Variants in ARHGEF37 observed in about 807,000 individuals in gnomAD.
ARHGEF37 encodes Rho guanine nucleotide exchange factor 37, also known as Rho guanine nucleotide exchange factor (GEF) 37.
A neutral mutation model predicts 71.1 loss-of-function variants in ARHGEF37; 55 were observed. The observed-to-expected ratio is 0.77, with a 90% CI of 0.62 to 0.97. The LOEUF (loss-of-function observed/expected upper bound fraction) is 0.97, where lower values mean the gene tolerates loss of function less well. Among genes scored for constraint, ARHGEF37 ranks in the 50% least tolerant of loss-of-function variants. The pLI is 0.00. For synonymous variants in ARHGEF37, 327 were observed against 350.6 expected, an observed-to-expected ratio of 0.93 and a Z score of 0.75; for missense variants, 765 against 836.8, an observed-to-expected ratio of 0.91 and a Z score of 1.06.
chr5:149,573,250 C>T (rs1012378193), intron 1 of ARHGEF37, among the ~76,000 whole-genome samples: 5 of 152,218 alleles, frequency 3.3e-5, no homozygotes, highest in African/African-American at 1.2e-4. Context: ...CACCTCCCAA[C>T]ACCACCACAT....
Position 149,632,213 on chromosome 5 carries a change from A to G in ARHGEF37, c.*22A>G. The stretch of plus-strand genomic sequence containing the variant: ...TTAGGGTACCCTCTTTGGAGCCTAC[A>G]TTGCCAAATGATGGGGGAGGCTTAG... On this transcript the variant is annotated 3_prime_UTR_variant, in exon 13 of 13. Transcript: ENST00000333677. The G allele has an allele frequency of 1.2e-6, 2 of 1,609,594 alleles. No homozygotes were observed. The highest frequency in any genetic ancestry group is 1.7e-6 in the Non-Finnish European group (2 of 1,176,696).
intron 1 of ARHGEF37, among the ~76,000 whole-genome samples, chr5:149,560,928 G>C (rs548160227): frequency 6.6e-6 from 1 of 152,168 alleles, no homozygotes; most frequent in South Asian, 2.1e-4. Context: ...TTAAATGTTA[G>C]GAAAATCAGA....
At chr5:149,587,642 T>C (rs1006284766) in intron 1 of ARHGEF37, among the ~76,000 whole-genome samples, 1 of 152,158 alleles carries the variant, frequency 6.6e-6, no homozygotes, top group African/African-American at 2.4e-5. Flanking sequence ...TGCCACCAAA[T>C]AGTGTGCCTC....
chr5:149,576,004 G>C (rs1763024939), intron 1 of ARHGEF37, among the ~76,000 whole-genome samples: 1 of 152,130 alleles, frequency 6.6e-6, no homozygotes, highest in Non-Finnish European at 1.5e-5. Flanking sequence ...CCAGCACTTT[G>C]GGAGGCCGAG....
chr5:149,620,492 C>A (rs1561806735), intron 8 of ARHGEF37, 28 bp downstream of exon 8: 3 of 1,527,588 alleles, frequency 2.0e-6, no homozygotes, highest in Non-Finnish European at 2.7e-6. Flanking sequence ...TTTCTCCTTT[C>A]TTTGTTAGGC....
Position 149,583,624 on chromosome 5 carries a change from G to A in ARHGEF37, c.-12+2000G>A, listed in dbSNP as rs1763161417. On this transcript the variant is annotated intron_variant, in intron 1 of 12. Transcript: ENST00000333677. Reference sequence around the variant, plus strand: ...CAGTGCCTTGGCTGATTCTGCCCTAGATCAAATAAATGGCTTTTTATTTAA... The same window carrying A: ...CAGTGCCTTGGCTGATTCTGCCCTAAATCAAATAAATGGCTTTTTATTTAA... 2.6e-5 allele frequency among the ~76,000 whole-genome samples: 4 copies of A among 152,212 alleles called. No homozygotes were observed. In the South Asian group the frequency reaches 8.3e-4, roughly 32 times the overall value.
chr5:149,620,083 A>T (rs1162962291), intron 7 of ARHGEF37, among the ~76,000 whole-genome samples: 1 of 152,004 alleles, frequency 6.6e-6, no homozygotes, highest in Non-Finnish European at 1.5e-5. Context: ...AAAAAAAAAA[A>T]AAAAGAAAAA....
intron 1 of ARHGEF37, among the ~76,000 whole-genome samples, chr5:149,558,735 GTGTA>G (rs1226143299): frequency 0.014 from 697 of 49,392 alleles, 4 homozygotes; most frequent in African/African-American, 0.057. Context: ...GTGTGTGTGT[GTGTA>G]TATATATTTT....
chr5:149,593,278 A>G (rs1227920033), intron 1 of ARHGEF37, among the ~76,000 whole-genome samples: 1 of 152,110 alleles, frequency 6.6e-6, no homozygotes, highest in African/African-American at 2.4e-5. Flanking sequence ...CATTTTCATC[A>G]TTTCCCCAGA....
At position 149,609,612 on chromosome 5, in the gene ARHGEF37, C is replaced by T. The variant is rs375327553; in HGVS notation, c.375C>T (p.Tyr125=). The T allele has an allele frequency of 1.6e-4, 251 of 1,613,688 alleles. 1 individual carries two copies. Among genetic ancestry groups the T allele is most frequent in the Non-Finnish European group, 2.0e-4 (236 of 1,180,062 alleles). ...EQVYKVYCAS[Y]DQALLLVDTY... is the part of the protein sequence containing the mutation. ...TCTATAAGGTCTACTGTGCCAGCTACGACCAGGCCTTGCTACTGGTGGACA... is the reference window on the plus strand; with the variant it reads ...TCTATAAGGTCTACTGTGCCAGCTATGACCAGGCCTTGCTACTGGTGGACA... The change falls in exon 4 of 13, where the codon TAC becomes TAT. Residue 125 remains tyrosine, a synonymous_variant. Transcript: ENST00000333677.
intron 1 of ARHGEF37, among the ~76,000 whole-genome samples, chr5:149,586,634 C>T (rs1763249073): frequency 6.6e-6 from 1 of 152,196 alleles, no homozygotes; most frequent in African/African-American, 2.4e-5. Context: ...TGTACCAGTC[C>T]AGGAGAAAGG....
At chr5:149,599,519 C>T (rs1171591929) in intron 2 of ARHGEF37, among the ~76,000 whole-genome samples, 1 of 151,576 alleles carries the variant, frequency 6.6e-6, no homozygotes, top group Non-Finnish European at 1.5e-5. Context: ...TCAAGTGATC[C>T]TCCCATCTCA....
At chr5:149,586,857 C>G (rs974687637) in intron 1 of ARHGEF37, among the ~76,000 whole-genome samples, 1 of 152,322 alleles carries the variant, frequency 6.6e-6, no homozygotes, top group East Asian at 1.9e-4. Context: ...AAGTATGTCA[C>G]AAGAGACTGA....
rs113190610 is a variant in ARHGEF37 at position 149,553,479 on chromosome 5, T to C, written c.-12+1356T>C. ...TTAAGCATCTTGAGTTTTCCAGAGA[T>C]CACTCCTTTTCTGCTAATTTTCTCA... On this transcript the variant is annotated intron_variant, in intron 1 of 2. Transcript: ENST00000505810. Among the ~76,000 whole-genome samples, 123 of 151,862 alleles carry C rather than the reference T, an allele frequency of 8.1e-4. 2 individuals are homozygous for C. Among genetic ancestry groups the C allele is most frequent in the African/African-American group, 2.8e-3 (114 of 41,450 alleles).
At chr5:149,568,317 G>A (rs775454039) in intron 1 of ARHGEF37, among the ~76,000 whole-genome samples, 18 of 152,180 alleles carry the variant, frequency 1.2e-4, no homozygotes, top group African/African-American at 2.6e-4. Flanking sequence ...ATGAGCCACC[G>A]TGCCTGGCCA....
At chr5:149,580,919 A>G (rs773893010), upstream of ARHGEF37, among the ~76,000 whole-genome samples, 6 of 152,196 alleles carry the variant, frequency 3.9e-5, no homozygotes, top group East Asian at 1.9e-4. Context: ...CAGGAGCCCA[A>G]TAAGGCCAGG....
chr5:149,631,581 G>A (rs1424260969), intron 12 of ARHGEF37, among the ~76,000 whole-genome samples: 1 of 152,186 alleles, frequency 6.6e-6, no homozygotes, highest in Non-Finnish European at 1.5e-5. Flanking sequence ...GAGAGGGAGA[G>A]GGTGCTGAGT....
At chr5:149,559,543 A>G (rs930027658) in intron 1 of ARHGEF37, among the ~76,000 whole-genome samples, 1 of 152,216 alleles carries the variant, frequency 6.6e-6, no homozygotes, top group Admixed American at 6.5e-5. Flanking sequence ...AATATAAACA[A>G]ACTATGCTGT....
At chr5:149,585,388 A>G (rs1457237555) in intron 1 of ARHGEF37, among the ~76,000 whole-genome samples, 1 of 152,250 alleles carries the variant, frequency 6.6e-6, no homozygotes, top group Non-Finnish European at 1.5e-5. Context: ...TGGTATATCC[A>G]TATAACAGAA....
Sources: gnomAD v4.1 joint callset for allele counts (sites outside exome capture counted in the v4.1 genomes callset) on GRCh38, gnomAD v4.1.1 for gene constraint, MANE v1.5 for transcripts, NCBI Gene and HGNC (gene_info 2026-07-23, HGNC 2026-07-21) for gene names.